Variants in TLE2 observed in about 807,000 individuals in gnomAD.
The protein encoded by TLE2 is TLE family member 2, transcriptional corepressor.
A neutral mutation model predicts 97.2 loss-of-function variants in TLE2; 74 were observed. That is an observed-to-expected ratio of 0.76 (90% CI 0.63 to 0.92). The LOEUF (loss-of-function observed/expected upper bound fraction) is 0.92, where lower values mean the gene tolerates loss of function less well. TLE2 is among the 40% of genes least tolerant of loss of function. TLE2 has a pLI of 0.00. For synonymous variants in TLE2, 499 were observed against 432.1 expected (o/e 1.15, Z -1.92); for missense variants, 1,038 against 1,008.7 (o/e 1.03, Z -0.39).
chr19:3,001,986 C>T (rs1046194740), intron 18 of TLE2, among the ~76,000 whole-genome samples: 2 of 151,806 alleles, frequency 1.3e-5, no homozygotes, highest in Admixed American at 6.6e-5. Context: ...TTAATAGAGT[C>T]AGGGTTTCAC....
intron 7 of TLE2, 55 bp from the exon 8 acceptor site, chr19:3,017,914 T>C (rs2089748216): frequency 1.3e-6 from 2 of 1,576,514 alleles, no homozygotes; most frequent in South Asian, 1.1e-5. Context: ...GAGGCGTTTG[T>C]ATCCACGGCG....
upstream of TLE2, chr19:3,029,559 G>GGGAA: frequency 4.1e-6 from 2 of 489,538 alleles, no homozygotes; most frequent in Non-Finnish European, 4.9e-6. Context: ...CCGTGGGAGC[G>GGGAA]GGGGGGGGGG....
At chr19:3,014,675 C>A in intron 9 of TLE2, 61 bp from the exon 10 acceptor site, 2 of 1,462,754 alleles carry the variant, frequency 1.4e-6, no homozygotes, top group Admixed American at 2.3e-5. Context: ...CACCCCCTAT[C>A]CGCTCCTCAG....
rs937660699 is a variant in TLE2 at position 3,000,640 on chromosome 19, C to T, written c.2124+7G>A. ...TGCCAGAGTGGGGGCTCCAGACCGC[C>T]GAGTACCTGGAAAATGCTGGCCCCG... On this transcript the variant is annotated splice_region_variant and intron_variant, in intron 19 of 19. Coordinates refer to ENST00000262953, the MANE Select transcript of TLE2 (RefSeq NM_003260.5). The T allele has an allele frequency of 1.1e-5, 17 of 1,577,122 alleles. No homozygotes were observed. The highest frequency in any genetic ancestry group is 6.8e-5 in the African/African-American group (5 of 73,898).
chr19:3,005,095 C>T (rs974959976), intron 17 of TLE2, among the ~76,000 whole-genome samples: 2 of 152,018 alleles, frequency 1.3e-5, no homozygotes, highest in African/African-American at 4.8e-5. Flanking sequence ...GTGTGTCCCG[C>T]GCTCTCGGCG....
Position 3,019,369 on chromosome 19 carries a change from G to A in TLE2, c.464C>T (p.Ala155Val). ...LVGGSATGLL[A>V]LSGALAAQAQ... ...CTGGGCAGCCAGGGCTCCAGACAGA[G>A]CAAGCAGCCCCGTAGCACTGCCGCC... Residue 155 changes from alanine (A) to valine (V), a missense_variant, in exon 7 of 20, where the codon GCT becomes GTT. Transcript: ENST00000262953. This position sits in a 1 kb window ranked among gnomAD's most constrained non-coding sequence, Gnocchi z 5.1. The A allele has an allele frequency of 6.4e-7, 1 of 1,557,338 alleles. No individual in the cohort carries two copies. Among genetic ancestry groups the A allele is most frequent in the Non-Finnish European group, 8.6e-7 (1 of 1,158,784 alleles).
intron 9 of TLE2, among the ~76,000 whole-genome samples, chr19:3,015,113 G>A (rs1348327481): frequency 3.4e-5 from 5 of 147,692 alleles, no homozygotes; most frequent in Non-Finnish European, 7.4e-5. Flanking sequence ...GCTTCTCTGA[G>A]AAACAGCAAT....
exon 1 of TLE2, chr19:3,045,747 A>C (rs774308891): frequency 1.0e-4 from 45 of 448,246 alleles, no homozygotes; most frequent in Non-Finnish European, 6.8e-5. Context: ...AAGCAGGAGA[A>C]TCTTGGGAGG....
At position 3,005,563 on chromosome 19, in the gene TLE2, G is replaced by A. The variant is rs762407936; in HGVS notation, c.1770C>T (p.Asp590=). The A allele has an allele frequency of 1.2e-5, 20 of 1,613,126 alleles. No individual in the cohort carries two copies. Among genetic ancestry groups the A allele is most frequent in the South Asian group, 2.2e-5 (2 of 90,992 alleles). ...CGGAAATATCAATGCAGCTGGCGCCGTCCGTGTGGCCCTGGAACTGCCTGG... is the reference window on the plus strand; with the variant it reads ...CGGAAATATCAATGCAGCTGGCGCCATCCGTGTGGCCCTGGAACTGCCTGG... ...TMVRQFQGHT[D]GASCIDISDY... The change falls in exon 17 of 20, where the codon GAC becomes GAT. Residue 590 remains aspartate (D), a synonymous_variant. Transcript: ENST00000262953.
chr19:3,023,526 T>A (rs988659386), intron 5 of TLE2, among the ~76,000 whole-genome samples: 2 of 152,116 alleles, frequency 1.3e-5, no homozygotes, highest in African/African-American at 4.8e-5. Flanking sequence ...GCATCAAGGA[T>A]CCTCCCAGTG....
intron 1 of TLE2, among the ~76,000 whole-genome samples, chr19:3,042,622 C>T (rs1350806955): frequency 6.6e-6 from 1 of 151,376 alleles, no homozygotes; most frequent in African/African-American, 2.4e-5. Context: ...TCAGAGACCC[C>T]CGAGACAGAG....
intron 11 of TLE2, among the ~76,000 whole-genome samples, chr19:3,012,293 G>A (rs1599214495): frequency 6.6e-6 from 1 of 151,828 alleles, no homozygotes; most frequent in Admixed American, 6.6e-5. Flanking sequence ...ATAGCTCACT[G>A]CAGCCTCAAC....
rs2089479704 is a variant in TLE2 at position 3,006,424 on chromosome 19, CAGTCG to C, written c.1491_1495del (p.Asp498ProfsTer24). 4 of 1,609,668 alleles carry C rather than the reference CAGTCG, an allele frequency of 2.5e-6. No individual in the cohort carries two copies. On this transcript the variant is annotated frameshift_variant, in exon 15 of 20. Coordinates refer to ENST00000262953, the MANE Select transcript of TLE2 (RefSeq NM_003260.5). LOFTEE classifies it high-confidence loss of function. ...ACTGTCCCACCCCGCCCTCACCAGGCAGTCGAGCTGGGCCACGGGCGTCTTGGCCC... is the reference window on the plus strand; with the variant it reads ...ACTGTCCCACCCCGCCCTCACCAGGCAGCTGGGCCACGGGCGTCTTGGCCC...
At chr19:3,029,419 C>T (rs1599248551), upstream of TLE2, 1 of 808,916 alleles carries the variant, frequency 1.2e-6, no homozygotes, top group East Asian at 1.3e-4. Context: ...CCCCTTCCTT[C>T]AGTCCCTGGG....
upstream of TLE2, chr19:3,029,522 G>A: frequency 1.0e-6 from 1 of 969,552 alleles, no homozygotes; most frequent in Non-Finnish European, 1.2e-6. Flanking sequence ...AGAAAAACCA[G>A]TGAAGAAATT....
chr19:3,036,369 G>C (rs2090062749), intron 1 of TLE2, among the ~76,000 whole-genome samples: 1 of 152,198 alleles, frequency 6.6e-6, no homozygotes, highest in African/African-American at 2.4e-5. Context: ...CCTCCCGCCA[G>C]CTCCCGCTCC....
chr19:3,021,096 A>C (rs1184141268), intron 5 of TLE2, among the ~76,000 whole-genome samples: 6 of 112,064 alleles, frequency 5.4e-5, no homozygotes, highest in African/African-American at 1.8e-4. Context: ...CTCAAAAAAA[A>C]AAAAAAAAAA....
intron 1 of TLE2, among the ~76,000 whole-genome samples, chr19:3,036,400 C>T (rs903472944): frequency 5.9e-5 from 9 of 152,248 alleles, no homozygotes; most frequent in African/African-American, 2.2e-4. Flanking sequence ...GCTCCCGGCC[C>T]GGCGCGGTAT....
chr19:3,029,320 G>GC (rs1265205539), upstream of TLE2: 1 of 178,064 alleles, frequency 5.6e-6, no homozygotes, highest in Non-Finnish European at 1.0e-5. Context: ...TGGCGCCGCC[G>GC]CCCCCACGCG....
Sources: allele counts gnomAD v4.1 joint callset (sites outside exome capture counted in the v4.1 genomes callset), GRCh38; gene constraint gnomAD v4.1.1; non-coding constraint Gnocchi (gnomAD v3.1); transcripts MANE v1.5; gene names NCBI Gene and HGNC (gene_info 2026-07-23, HGNC 2026-07-21).